The following PDE4B variants were observed in gnomAD, a reference collection of about 807,000 sequenced individuals.
PDE4B encodes the protein 3',5'-cyclic-AMP phosphodiesterase 4B.
PDE4B carries 20 observed loss-of-function variants against 82.2 expected under a neutral mutation model. That is an observed-to-expected ratio of 0.24 (90% CI 0.17 to 0.35). The LOEUF is 0.35. Ranked by LOEUF, PDE4B falls within the 10% of genes least tolerant of loss-of-function variation. PDE4B has a pLI of 1.00. For missense variants in PDE4B, 655 were observed against 907.2 expected (o/e 0.72, Z 3.57); for synonymous variants, 320 against 318.9 (o/e 1.00, Z -0.04).
chr1:66,319,143 G>A (rs546124843), intron 7 of PDE4B, among the ~76,000 whole-genome samples: 28 of 152,288 alleles, frequency 1.8e-4, no homozygotes, highest in African/African-American at 6.0e-4. Flanking sequence ...CCAAGGTCGT[G>A]TGTGATCTGA....
intron 3 of PDE4B, among the ~76,000 whole-genome samples, chr1:66,184,496 C>T (rs1427678099): frequency 6.6e-6 from 1 of 152,084 alleles, no homozygotes; most frequent in Admixed American, 6.6e-5. Flanking sequence ...TGGGTTAGAA[C>T]CAACAGCACT....
At chr1:66,009,185 T>C (rs1359126676) in intron 3 of PDE4B, among the ~76,000 whole-genome samples, 1 of 152,206 alleles carries the variant, frequency 6.6e-6, no homozygotes, top group Admixed American at 6.5e-5. Flanking sequence ...TCAGAAATCT[T>C]GGAGTCTTGC....
chr1:65,979,431 T>C (rs1480154350), intron 3 of PDE4B, among the ~76,000 whole-genome samples: 3 of 152,222 alleles, frequency 2.0e-5, no homozygotes, highest in Admixed American at 1.3e-4. Flanking sequence ...ATGTCTGCTT[T>C]GCCTTCTGTC....
intron 3 of PDE4B, among the ~76,000 whole-genome samples, chr1:66,122,703 C>CTTTTTT (rs3036785): frequency 2.5e-3 from 278 of 111,800 alleles, no homozygotes; most frequent in Non-Finnish European, 3.2e-3. Context: ...CTCTTCTTTT[C>CTTTTTT]TTTTTTTTTT....
At chr1:66,258,122 A>T (rs1385454415) in intron 6 of PDE4B, among the ~76,000 whole-genome samples, 1 of 152,222 alleles carries the variant, frequency 6.6e-6, no homozygotes, top group African/African-American at 2.4e-5. Context: ...ATGAAAGAAC[A>T]AAAGGAAGAT....
intron 3 of PDE4B, among the ~76,000 whole-genome samples, chr1:66,228,064 G>A (rs1557646789): frequency 6.6e-6 from 1 of 152,170 alleles, no homozygotes; most frequent in South Asian, 2.1e-4. Flanking sequence ...CCTACTTGCT[G>A]TTATTCAAAT....
At chr1:66,236,016 A>G (rs149124220) in intron 3 of PDE4B, among the ~76,000 whole-genome samples, 1 of 152,236 alleles carries the variant, frequency 6.6e-6, no homozygotes, top group Non-Finnish European at 1.5e-5. Context: ...CATAAGTATA[A>G]GCCTAAGTTA....
At chr1:66,258,117 A>G (rs1309005146) in intron 6 of PDE4B, among the ~76,000 whole-genome samples, 2 of 152,240 alleles carry the variant, frequency 1.3e-5, no homozygotes, top group African/African-American at 4.8e-5. Context: ...CACAAATGAA[A>G]GAACAAAAGG....
At chr1:66,306,215 T>C (rs770566346) in intron 7 of PDE4B, among the ~76,000 whole-genome samples, 37 of 152,270 alleles carry the variant, frequency 2.4e-4, no homozygotes, top group Non-Finnish European at 4.6e-4. Context: ...ACAAACCCTG[T>C]ACACCAAATT....
chr1:65,856,111 T>G (rs989120893), intron 1 of PDE4B, among the ~76,000 whole-genome samples: 1 of 152,174 alleles, frequency 6.6e-6, no homozygotes, highest in African/African-American at 2.4e-5. Context: ...AGGCACTATC[T>G]CCCTAATACC....
intron 3 of PDE4B, among the ~76,000 whole-genome samples, chr1:66,024,203 G>T (rs1379278313): frequency 6.6e-6 from 1 of 152,064 alleles, no homozygotes; most frequent in Admixed American, 6.6e-5. Flanking sequence ...TCAATAATGG[G>T]TGCAAATAAT....
chr1:65,935,827 C>T (rs776246318), intron 3 of PDE4B, among the ~76,000 whole-genome samples: 4 of 152,042 alleles, frequency 2.6e-5, no homozygotes, highest in Non-Finnish European at 5.9e-5. Flanking sequence ...ATCCCAGCTA[C>T]TCAGGAGGCT....
At chr1:65,806,519 T>A (rs1298871048) in intron 1 of PDE4B, among the ~76,000 whole-genome samples, 1 of 152,230 alleles carries the variant, frequency 6.6e-6, no homozygotes, top group Non-Finnish European at 1.5e-5. Context: ...TAAAAACTGA[T>A]TCACTTTCAG....
intron 1 of PDE4B, among the ~76,000 whole-genome samples, chr1:65,886,653 G>T (rs1464597769): frequency 6.6e-6 from 1 of 151,958 alleles, no homozygotes; most frequent in Non-Finnish European, 1.5e-5. Context: ...TCTGTGCCTG[G>T]TATATTTCAC....
chr1:65,885,558 G>T (rs1305164662), intron 1 of PDE4B, among the ~76,000 whole-genome samples: 2 of 152,080 alleles, frequency 1.3e-5, no homozygotes, highest in Non-Finnish European at 2.9e-5. Flanking sequence ...CACGTCCTTT[G>T]TAGGGACATG....
chr1:66,185,705 G>T (rs574349341), intron 3 of PDE4B, among the ~76,000 whole-genome samples: 12 of 150,710 alleles, frequency 8.0e-5, no homozygotes, highest in East Asian at 2.0e-4. Context: ...TTGTAAATTT[G>T]TTTGAGTTCA....
chr1:66,247,422 G>A (rs960979900), intron 3 of PDE4B, 38 bp from the exon 4 acceptor site: 1 of 1,456,658 alleles, frequency 6.9e-7, no homozygotes, highest in African/African-American at 1.4e-5. Context: ...CTCCTCCATG[G>A]TTATCATGTG....
chr1:65,922,908 G>A (rs1647299948), intron 3 of PDE4B, among the ~76,000 whole-genome samples: 1 of 152,102 alleles, frequency 6.6e-6, no homozygotes, highest in Non-Finnish European at 1.5e-5. Flanking sequence ...GTTCTTTAGA[G>A]GAAGATATCA....
At position 65,986,467 on chromosome 1, in the gene PDE4B, A is replaced by G. The variant is rs920897770; in HGVS notation, c.281+67632A>G. ...AGATGATAGAGAAATAACACTTCAGACAGTGAAAACTGCACAAAATAATAA... is the reference window on the plus strand; with the variant it reads ...AGATGATAGAGAAATAACACTTCAGGCAGTGAAAACTGCACAAAATAATAA... On this transcript the variant is annotated intron_variant, in intron 3 of 16. Transcript: ENST00000341517. Among the ~76,000 whole-genome samples, 11 of 152,338 alleles carry G rather than the reference A, an allele frequency of 7.2e-5. No individual in the cohort carries two copies. The East Asian group carries it at 1.9e-3, about 27-fold the overall frequency.
Sources: gnomAD v4.1 joint callset for allele counts (sites outside exome capture counted in the v4.1 genomes callset) on GRCh38, gnomAD v4.1.1 for gene constraint, MANE v1.5 for transcripts, NCBI Gene and HGNC (gene_info 2026-07-23, HGNC 2026-07-21) for gene names.